Variants in NXPH1 observed in about 807,000 individuals in gnomAD.
NXPH1 encodes neurexophilin-1.
In NXPH1, 5 loss-of-function variants were observed where a neutral mutation model predicts 23.7. The ratio of observed to expected loss-of-function variants is 0.21; its 90% CI spans 0.11 to 0.44. The LOEUF is 0.44. NXPH1 is among the 20% of genes least tolerant of loss of function. The pLI is 0.99. For synonymous variants in NXPH1, 144 were observed against 122.2 expected, an observed-to-expected ratio of 1.18 and a Z score of -1.18; for missense variants, 324 against 321.6, an observed-to-expected ratio of 1.01 and a Z score of -0.06.
chr7:8,509,491 G>A lies in NXPH1; in HGVS notation c.54+73724G>A, dbSNP rs537593542. Among the ~76,000 whole-genome samples, 9 of 152,038 alleles carry A rather than the reference G, an allele frequency of 5.9e-5. No homozygotes were observed. The South Asian group carries it at 1.2e-3, about 21-fold the overall frequency. ...CTTTTTTCTCTCTCTGGAGACTAAC[G>A]TCTTCATTTACCTAAGGTCTCCAGC... is the stretch of plus-strand genomic sequence containing the variant. On this transcript the variant is annotated intron_variant, in intron 2 of 2. Transcript: ENST00000405863.
intron 2 of NXPH1, among the ~76,000 whole-genome samples, chr7:8,570,582 T>C (rs1818625605): frequency 6.6e-6 from 1 of 151,876 alleles, no homozygotes; most frequent in African/African-American, 2.4e-5. Flanking sequence ...GTTGGGGGTT[T>C]TTACTGAGGG....
At chr7:8,520,333 T>C (rs1227970077) in intron 2 of NXPH1, among the ~76,000 whole-genome samples, 1 of 152,168 alleles carries the variant, frequency 6.6e-6, no homozygotes, top group Non-Finnish European at 1.5e-5. Context: ...GCAGCATTTG[T>C]TTTCCTTCAA....
At chr7:8,446,818 G>A (rs1816412748) in intron 2 of NXPH1, among the ~76,000 whole-genome samples, 1 of 151,594 alleles carries the variant, frequency 6.6e-6, no homozygotes, top group Non-Finnish European at 1.5e-5. Flanking sequence ...TTCCTGGACT[G>A]AGAATTATAC....
At chr7:8,729,966 TGG>T (rs200499282) in intron 2 of NXPH1, among the ~76,000 whole-genome samples, 20,563 of 150,204 alleles carry the variant, frequency 0.14, 1,451 homozygotes, top group East Asian at 0.31. Context: ...TATTAATGTG[TGG>T]GAGTCTAAGT....
intron 2 of NXPH1, among the ~76,000 whole-genome samples, chr7:8,510,137 G>A (rs890791635): frequency 6.6e-6 from 1 of 152,134 alleles, no homozygotes; most frequent in East Asian, 1.9e-4. Flanking sequence ...AAGGAGCTCA[G>A]CTTTAGCACC....
intron 2 of NXPH1, among the ~76,000 whole-genome samples, chr7:8,611,417 A>G (rs1819617764): frequency 6.6e-6 from 1 of 152,186 alleles, no homozygotes; most frequent in Admixed American, 6.6e-5. Context: ...ATTACTTGCT[A>G]AAGACCAAAT....
intron 2 of NXPH1, among the ~76,000 whole-genome samples, chr7:8,488,009 C>A (rs1410539286): frequency 1.3e-5 from 2 of 152,084 alleles, no homozygotes; most frequent in Non-Finnish European, 2.9e-5. Flanking sequence ...TGTAACTTGG[C>A]AGGATTAGGT....
At chr7:8,616,631 G>A (rs927555091) in intron 2 of NXPH1, among the ~76,000 whole-genome samples, 8 of 151,994 alleles carry the variant, frequency 5.3e-5, no homozygotes, top group African/African-American at 1.4e-4. Flanking sequence ...GCATATGTAA[G>A]GGCCCCAAGG....
At chr7:8,725,402 A>T (rs1191661907) in intron 2 of NXPH1, among the ~76,000 whole-genome samples, 1 of 151,188 alleles carries the variant, frequency 6.6e-6, no homozygotes, top group Non-Finnish European at 1.5e-5. Flanking sequence ...AGGCATGAGG[A>T]TGGCTAGAAC....
At chr7:8,595,153 G>T (rs1819193019) in intron 2 of NXPH1, among the ~76,000 whole-genome samples, 1 of 151,808 alleles carries the variant, frequency 6.6e-6, no homozygotes, top group Non-Finnish European at 1.5e-5. Context: ...ATGACATTTG[G>T]TTTTCTCTAG....
intron 2 of NXPH1, among the ~76,000 whole-genome samples, chr7:8,550,306 G>T (rs1157799791): frequency 6.6e-6 from 1 of 151,530 alleles, no homozygotes; most frequent in African/African-American, 2.4e-5. Context: ...CAAAAGGGGG[G>T]TGTTGCTGGG....
At chr7:8,508,652 T>A (rs528672488) in intron 2 of NXPH1, among the ~76,000 whole-genome samples, 80 of 152,170 alleles carry the variant, frequency 5.3e-4, no homozygotes, top group African/African-American at 1.8e-3. Context: ...TCTTTTTTTT[T>A]ATGTCTTGAA....
chr7:8,563,410 C>G (rs1309076155), intron 2 of NXPH1, among the ~76,000 whole-genome samples: 1 of 151,688 alleles, frequency 6.6e-6, no homozygotes, highest in Non-Finnish European at 1.5e-5. Context: ...ATATGTGCTC[C>G]TAGTTAGAGC....
chr7:8,536,577 A>C (rs1818029429), intron 2 of NXPH1, among the ~76,000 whole-genome samples: 2 of 149,878 alleles, frequency 1.3e-5, no homozygotes, highest in African/African-American at 2.5e-5. Flanking sequence ...TATAAACTAC[A>C]GAAAGGAGGC....
intron 2 of NXPH1, among the ~76,000 whole-genome samples, chr7:8,730,935 T>C (rs1001548826): frequency 4.0e-5 from 6 of 150,278 alleles, no homozygotes; most frequent in Non-Finnish European, 4.4e-5. Context: ...CTGCAGAGTG[T>C]TTTCCAACTT....
chr7:8,647,459 G>A (rs1208764881), intron 2 of NXPH1, among the ~76,000 whole-genome samples: 1 of 152,048 alleles, frequency 6.6e-6, no homozygotes, highest in Non-Finnish European at 1.5e-5. Flanking sequence ...CCCAGTGCCA[G>A]GCCAGTTCAG....
In NXPH1 at chr7:8,717,913, C is replaced by T. The variant is rs943373566; in HGVS notation, c.55-33095C>T. On this transcript the variant is annotated intron_variant, in intron 2 of 2. Transcript: ENST00000405863. ...CTGTGTGTATATATATATATATATACACAACATGTAGATATGCATGTGTAT... is the reference window on the plus strand; with the variant it reads ...CTGTGTGTATATATATATATATATATACAACATGTAGATATGCATGTGTAT... Among the ~76,000 whole-genome samples, 4 of 90,120 alleles carry T rather than the reference C, an allele frequency of 4.4e-5. No homozygotes were observed. The South Asian group carries it at 1.2e-3, about 26-fold the overall frequency. The allele number at this position is 90,120 out of a possible 152,430, so 59.1% of individuals were successfully genotyped here.
intron 2 of NXPH1, among the ~76,000 whole-genome samples, chr7:8,595,665 G>T (rs1197198690): frequency 2.0e-5 from 3 of 152,002 alleles, no homozygotes; most frequent in Non-Finnish European, 4.4e-5. Flanking sequence ...GACTTCTACG[G>T]AACTCAAGAG....
At chr7:8,693,747 G>T (rs1263582659) in intron 2 of NXPH1, among the ~76,000 whole-genome samples, 1 of 151,952 alleles carries the variant, frequency 6.6e-6, no homozygotes, top group African/African-American at 2.4e-5. Flanking sequence ...AATCACTCCC[G>T]TACACAATGT....
Sources: gnomAD v4.1 joint callset for allele counts (sites outside exome capture counted in the v4.1 genomes callset) on GRCh38, gnomAD v4.1.1 for gene constraint, MANE v1.5 for transcripts, NCBI Gene and HGNC (gene_info 2026-07-23, HGNC 2026-07-21) for gene names.